PKHD1L1: variants seen among roughly 807,000 people sequenced by gnomAD.
PKHD1L1 encodes PKHD1 like 1, also known as fibrocystin-L.
Under a neutral mutation model 462.9 loss-of-function variants are expected in PKHD1L1, and 434 were observed. That is an observed-to-expected ratio of 0.94 (90% CI 0.87 to 1.02). PKHD1L1 has a LOEUF of 1.02. PKHD1L1 is among the 50% of genes least tolerant of loss of function. The probability of loss-of-function intolerance (pLI) is 0.00; values close to 1 mark genes in which losing one functional copy is unlikely to be tolerated. For missense variants in PKHD1L1, 5,202 were observed against 5,096.1 expected (o/e 1.02, Z -0.63); for synonymous variants, 1,781 against 1,750.0 (o/e 1.02, Z -0.44).
At chr8:109,389,017 AAC>A (rs893466408) in intron 7 of PKHD1L1, 60 bp from the exon 8 acceptor site, 2 of 1,147,496 alleles carry the variant, frequency 1.7e-6, no homozygotes, top group African/African-American at 3.2e-5. Context: ...TTTTAAGAGA[AAC>A]ACAATATTCT....
At chr8:109,373,812 G>GT (rs1300504784) in intron 2 of PKHD1L1, among the ~76,000 whole-genome samples, 4 of 152,186 alleles carry the variant, frequency 2.6e-5, no homozygotes, top group African/African-American at 9.7e-5. Context: ...TAGTTGAGTG[G>GT]TTTTGAGTGA....
At position 109,515,159 on chromosome 8, in the gene PKHD1L1, T is replaced by A. The variant is rs1820200310; in HGVS notation, c.11554-11T>A. 1.2e-5 allele frequency: 19 copies of A among 1,540,942 alleles called. No individual in the cohort carries two copies. The highest frequency in any genetic ancestry group is 2.3e-5 in the East Asian group (1 of 43,614). On this transcript the variant is annotated splice_polypyrimidine_tract_variant and intron_variant, in intron 71 of 77. Transcript: ENST00000378402. Reference sequence around the variant, plus strand: ...TTTGTTGCTTTCTTAAAACTTTTTTTTCTTTAATAGGCTGTTCTAGTAGGA... The same window carrying A: ...TTTGTTGCTTTCTTAAAACTTTTTTATCTTTAATAGGCTGTTCTAGTAGGA...
intron 63 of PKHD1L1, 45 bp from the exon 64 acceptor site, chr8:109,496,874 C>T: frequency 6.5e-7 from 1 of 1,541,516 alleles, no homozygotes; most frequent in South Asian, 1.2e-5. Context: ...AACTATATGA[C>T]ATGAAATGTA....
rs754980553 is a variant in PKHD1L1 at position 109,448,320 on chromosome 8, C to G, written c.5954C>G (p.Thr1985Arg). 5.0e-5 allele frequency: 80 copies of G among 1,613,472 alleles called. No homozygotes were observed. The Middle Eastern group carries it at 8.2e-4, about 17-fold the overall frequency. ...GTFPVMMHHKTKGSAMSTVVF... is the reference protein window; with the variant it reads ...GTFPVMMHHKRKGSAMSTVVF... ...TTTCCTGTTATGATGCATCATAAGACAAAAGGCTCAGCCATGTCCACAGTT... is the reference window on the plus strand; with the variant it reads ...TTTCCTGTTATGATGCATCATAAGAGAAAAGGCTCAGCCATGTCCACAGTT... Residue 1985 changes from threonine to arginine, a missense_variant, in exon 39 of 78, where the codon ACA becomes AGA. Transcript: ENST00000378402.
chr8:109,440,746 A>G lies in PKHD1L1; in HGVS notation c.3993A>G (p.Glu1331=). The G allele has an allele frequency of 6.2e-7, 1 of 1,612,944 alleles. No homozygotes were observed. The highest frequency in any genetic ancestry group is 8.5e-7 in the Non-Finnish European group (1 of 1,179,176). Residue 1331 remains glutamate (E), a synonymous_variant, in exon 33 of 78, where the codon GAA becomes GAG. Coordinates refer to ENST00000378402, the MANE Select transcript of PKHD1L1 (RefSeq NM_177531.6). ...ATTCTTCAATACAGTATGTTTTAGA[A>G]GTGACCAGCATGTTTCCACAAAGAG... is the stretch of plus-strand genomic sequence containing the variant. ...KLNSSIQYVL[E]VTSMFPQRGS...
At chr8:109,473,368 T>C (rs1306717106) in intron 50 of PKHD1L1, among the ~76,000 whole-genome samples, 2 of 151,814 alleles carry the variant, frequency 1.3e-5, no homozygotes, top group African/African-American at 4.8e-5. Context: ...CCAGAAAAAT[T>C]AGCCAGGTGT....
At chr8:109,384,212 C>A (rs1050618213) in intron 5 of PKHD1L1, 85 bp downstream of exon 5, 3 of 1,065,618 alleles carry the variant, frequency 2.8e-6, no homozygotes, top group Non-Finnish European at 4.2e-6. Flanking sequence ...AGTATAATTC[C>A]TGCAATTTTT....
Position 109,534,148 on chromosome 8 carries a change from C to T in PKHD1L1, c.*4058C>T, listed in dbSNP as rs559592159. On this transcript the variant is annotated 3_prime_UTR_variant, in exon 78 of 78. Transcript: ENST00000378402. Reference sequence around the variant, plus strand: ...TGCATCTTTGAGTTACTACTATACCCTCCCGAATGGAAATGCTTCAACTTT... The same window carrying T: ...TGCATCTTTGAGTTACTACTATACCTTCCCGAATGGAAATGCTTCAACTTT... Among the ~76,000 whole-genome samples the T allele has an allele frequency of 1.6e-4, 24 of 152,240 alleles. No individual in the cohort carries two copies. The highest frequency in any genetic ancestry group is 3.1e-4 in the Non-Finnish European group (21 of 68,038).
Position 109,491,080 on chromosome 8 carries a change from A to T in PKHD1L1, c.10093A>T (p.Ile3365Phe). The T allele has an allele frequency of 3.7e-6, 6 of 1,609,076 alleles. No individual in the cohort carries two copies. Among genetic ancestry groups the T allele is most frequent in the Non-Finnish European group, 5.1e-6 (6 of 1,176,540 alleles). ...TGGATTGGACATAGATGACAACATC[A>T]TTCACTTTACAGTGGGGGAAGGTAA... ...TDGLDIDDNI[I>F]HFTVGEGIRI... is the part of the protein sequence containing the mutation. Residue 3365 changes from isoleucine to phenylalanine, a missense_variant, in exon 61 of 78, where the codon ATT (isoleucine) becomes TTT (phenylalanine). By Grantham distance (21) the Ile-to-Phe change is conservative. Around this residue, in one of 3 missense-constraint regions of PKHD1L1, gnomAD observed 4,497 missense variants for 4,336.8 expected, o/e 1.04. Coordinates refer to ENST00000378402, the MANE Select transcript of PKHD1L1 (RefSeq NM_177531.6).
At chr8:109,412,725 T>C (rs1225420594) in intron 20 of PKHD1L1, among the ~76,000 whole-genome samples, 1 of 152,106 alleles carries the variant, frequency 6.6e-6, no homozygotes, top group African/African-American at 2.4e-5. Flanking sequence ...GCTTCTTCAT[T>C]TTTCTTCATT....
intron 57 of PKHD1L1, among the ~76,000 whole-genome samples, chr8:109,484,732 C>A (rs2844255): frequency 0.39 from 59,184 of 151,438 alleles, 11,720 homozygotes; most frequent in South Asian, 0.57. Flanking sequence ...TTGTCCTGAG[C>A]AGTTTTTAAT....
At chr8:109,483,465 A>G (rs945924008) in intron 57 of PKHD1L1, among the ~76,000 whole-genome samples, 6 of 149,052 alleles carry the variant, frequency 4.0e-5, no homozygotes, top group African/African-American at 1.2e-4. Flanking sequence ...ACAAGCTAAT[A>G]TATGTAATAT....
intron 50 of PKHD1L1, chr8:109,470,776 A>G: frequency 6.5e-7 from 1 of 1,527,806 alleles, no homozygotes; most frequent in Non-Finnish European, 8.9e-7. Flanking sequence ...CTGTTTTTTC[A>G]TAAATCAGTT....
chr8:109,421,686 A>T (rs1008822172), intron 23 of PKHD1L1, among the ~76,000 whole-genome samples: 2 of 152,208 alleles, frequency 1.3e-5, no homozygotes, highest in Non-Finnish European at 2.9e-5. Flanking sequence ...TCCGAGGCTG[A>T]GGCAGGAGAA....
rs769106426 is a variant in PKHD1L1, at chr8:109,438,415, C to T, written c.3719C>T (p.Pro1240Leu). ...DAFSYNCLQT[P>L]IITDFSPKVR... ...TTTAGTTATAATTGTTTACAGACAC[C>T]AATTATAACTGATTTTAGTCCAAAA... The change falls in exon 31 of 78, where the codon CCA (proline) becomes CTA (leucine). Residue 1240 changes from proline (P) to leucine (L), a missense_variant. Transcript: ENST00000378402. 6.5e-7 allele frequency: 1 copy of T among 1,539,166 alleles called. No individual in the cohort carries two copies.
At chr8:109,465,825 C>T (rs1395987511) in intron 49 of PKHD1L1, among the ~76,000 whole-genome samples, 1 of 152,120 alleles carries the variant, frequency 6.6e-6, no homozygotes, top group East Asian at 1.9e-4. Flanking sequence ...ATTCCATATA[C>T]ATTGTAGGTT....
intron 58 of PKHD1L1, 97 bp downstream of exon 58, chr8:109,485,270 T>C: frequency 1.8e-6 from 2 of 1,136,274 alleles, no homozygotes; most frequent in East Asian, 5.2e-5. Context: ...ATGTCACAAA[T>C]ATGTTAAAGG....
At position 109,522,832 on chromosome 8, in the gene PKHD1L1, C is replaced by A. The variant is rs756504072; in HGVS notation, c.12272C>A (p.Ala4091Glu). ...SSLLVITQPVAAQPGQPFPQQ... is the reference protein window; with the variant it reads ...SSLLVITQPVEAQPGQPFPQQ... ...CTCTTAGTGATCACTCAGCCGGTGG[C>A]AGCACAGCCAGGACAGCCATTTCCT... The change falls in exon 75 of 78, where the codon GCA becomes GAA. Residue 4091 changes from alanine (A) to glutamate (E), a missense_variant. Coordinates refer to ENST00000378402, the MANE Select transcript of PKHD1L1 (RefSeq NM_177531.6). The A allele has an allele frequency of 1.1e-5, 17 of 1,611,944 alleles. No homozygotes were observed. In the East Asian group the frequency reaches 2.5e-4, roughly 23 times the overall value.
At position 109,441,380 on chromosome 8, in the gene PKHD1L1, G is replaced by A. The variant is rs748662044; in HGVS notation, c.4204+1G>A. Reference sequence around the variant, plus strand: ...ATTACCAACAATGGGAAAGATTCAGGTATCAGCCATTTATATACTATGAAA... The same window carrying A: ...ATTACCAACAATGGGAAAGATTCAGATATCAGCCATTTATATACTATGAAA... On this transcript the variant is annotated splice_donor_variant, in intron 34 of 77. Coordinates refer to ENST00000378402, the MANE Select transcript of PKHD1L1 (RefSeq NM_177531.6). LOFTEE classifies it high-confidence loss of function. 6 of 1,507,252 alleles carry A rather than the reference G, an allele frequency of 4.0e-6. No homozygotes were observed. The highest frequency in any genetic ancestry group is 1.4e-5 in the African/African-American group (1 of 71,760). The allele number at this position is 1,507,252 out of a possible 1,614,324, so 93.4% of individuals were successfully genotyped here. A position where few individuals can be genotyped will look rare whatever the true frequency, so the allele number is the denominator to read the frequency against.
Sources: allele counts gnomAD v4.1 joint callset (sites outside exome capture counted in the v4.1 genomes callset), GRCh38; gene constraint gnomAD v4.1.1; regional missense constraint gnomAD v4.1.1; transcripts MANE v1.5; gene names NCBI Gene and HGNC (gene_info 2026-07-23, HGNC 2026-07-21).